PWWP2A: variants seen among roughly 807,000 people sequenced by gnomAD.
PWWP2A encodes PWWP domain-containing protein 2A.
PWWP2A carries 18 observed loss-of-function variants against 48.5 expected under a neutral mutation model. That is an observed-to-expected ratio of 0.37 (90% confidence interval 0.26 to 0.55). The LOEUF (loss-of-function observed/expected upper bound fraction) is 0.55. Ranked by LOEUF, PWWP2A falls within the 20% of genes least tolerant of loss-of-function variation. The pLI, the probability that PWWP2A is intolerant of heterozygous loss-of-function variation, is 0.81. For synonymous variants in PWWP2A, 396 were observed against 387.7 expected (o/e 1.02, Z -0.25); for missense variants, 867 against 976.4 (o/e 0.89, Z 1.49).
chr5:160,072,948 G>A (rs564751945), downstream of PWWP2A, among the ~76,000 whole-genome samples: 2 of 140,594 alleles, frequency 1.4e-5, no homozygotes, highest in East Asian at 4.4e-4. Context: ...AAGTTGCAGT[G>A]TGCCGAGATT....
intron 1 of PWWP2A, among the ~76,000 whole-genome samples, chr5:160,100,367 T>C (rs755255478): frequency 6.6e-6 from 1 of 152,094 alleles, no homozygotes; most frequent in Non-Finnish European, 1.5e-5. Context: ...CACATGCCTG[T>C]AGTCACAGCT....
downstream of PWWP2A, among the ~76,000 whole-genome samples, chr5:160,072,091 C>T (rs564651250): frequency 2.6e-5 from 4 of 152,250 alleles, no homozygotes; most frequent in East Asian, 1.9e-4. Context: ...AAAGTATGTG[C>T]GCATTCCACC....
Position 160,063,152 on chromosome 5 carries a change from A to C in PWWP2A, c.*368+390T>G, listed in dbSNP as rs544683148. Among the ~76,000 whole-genome samples, 10 of 152,258 alleles carry C rather than the reference A, an allele frequency of 6.6e-5. No individual in the cohort carries two copies. In the Middle Eastern group the frequency reaches 0.01, roughly 155 times the overall value. ...GGTTGGCCTTTCTCTGGACATAGTG[A>C]GCTTCCTTGGGCTAGTTCTTAAGCC... On this transcript the variant is annotated intron_variant and NMD_transcript_variant, in intron 5 of 5. Coordinates refer to the PWWP2A transcript ENST00000524050.
chr5:160,112,412 G>C (rs961606389), intron 1 of PWWP2A, among the ~76,000 whole-genome samples: 1 of 151,976 alleles, frequency 6.6e-6, no homozygotes, highest in Non-Finnish European at 1.5e-5. Flanking sequence ...AGTAGAGACA[G>C]GGTTTTGACA....
chr5:160,054,374 G>C, the PWWP2A span, among the ~76,000 whole-genome samples: 1 of 152,186 alleles, frequency 6.6e-6, no homozygotes, highest in Non-Finnish European at 1.5e-5. Context: ...AACATTTTGG[G>C]AGGCCAAGGT....
downstream of PWWP2A, among the ~76,000 whole-genome samples, chr5:160,071,589 C>A (rs1169208899): frequency 6.6e-6 from 1 of 152,162 alleles, no homozygotes; most frequent in Non-Finnish European, 1.5e-5. Context: ...GTCCAATAAT[C>A]CCCCAAGACC....
chr5:160,066,296 A>T (rs74207908), intron 4 of PWWP2A, among the ~76,000 whole-genome samples: 10,098 of 94,824 alleles, frequency 0.11, 706 homozygotes, highest in African/African-American at 0.2. Context: ...AGTGGTTCTC[A>T]TTTTTTTTTT....
chr5:160,097,232 G>C (rs540377059), intron 1 of PWWP2A, among the ~76,000 whole-genome samples: 127 of 151,574 alleles, frequency 8.4e-4, no homozygotes, highest in African/African-American at 2.8e-3. Context: ...AGCTACTTGG[G>C]AGGCTGAGGT....
chr5:160,114,738 A>C (rs1561707297), intron 1 of PWWP2A, among the ~76,000 whole-genome samples: 1 of 146,830 alleles, frequency 6.8e-6, no homozygotes. Flanking sequence ...ACTCCAGCCT[A>C]GGCAACAGAG....
intron 3 of PWWP2A, among the ~76,000 whole-genome samples, chr5:160,080,305 T>C (rs1754138764): frequency 6.6e-6 from 1 of 152,208 alleles, no homozygotes; most frequent in Non-Finnish European, 1.5e-5. Context: ...AGTGAAAAGA[T>C]AAAAGACATC....
intron 1 of PWWP2A, chr5:160,105,675 T>G (rs1424073036): frequency 3.1e-6 from 3 of 978,918 alleles, no homozygotes; most frequent in Non-Finnish European, 3.6e-6. Flanking sequence ...CAGCCCCAGG[T>G]GCTAATGAGA....
At chr5:160,081,066 A>G (rs975238477) in intron 2 of PWWP2A, among the ~76,000 whole-genome samples, 1 of 152,120 alleles carries the variant, frequency 6.6e-6, no homozygotes, top group African/African-American at 2.4e-5. Context: ...CAAGCAAACT[A>G]ACAAATGAAA....
chr5:160,105,731 C>T (rs972929977), intron 1 of PWWP2A: 14 of 639,272 alleles, frequency 2.2e-5, no homozygotes, highest in Non-Finnish European at 2.7e-5. Flanking sequence ...GCCAAGATCG[C>T]ACCACTGCAC....
intron 1 of PWWP2A, among the ~76,000 whole-genome samples, chr5:160,110,574 T>G (rs1187320611): frequency 5.9e-5 from 9 of 151,552 alleles, no homozygotes; most frequent in Non-Finnish European, 1.2e-4. Context: ...GGTGTGGTGG[T>G]GCATGCCTGT....
chr5:160,074,195 T>C (rs146856157), downstream of PWWP2A, among the ~76,000 whole-genome samples: 483 of 152,204 alleles, frequency 3.2e-3, 3 homozygotes, highest in African/African-American at 0.011. Flanking sequence ...TCTCAGCACT[T>C]TGGGAGGCTG....
chr5:160,100,261 C>G (rs1201696113), intron 1 of PWWP2A, among the ~76,000 whole-genome samples: 1 of 151,988 alleles, frequency 6.6e-6, no homozygotes, highest in Non-Finnish European at 1.5e-5. Context: ...AAATATCGCA[C>G]CACTGCACGC....
rs1755291266 is a variant in PWWP2A, at chr5:160,093,410, T to C, written c.1240A>G (p.Thr414Ala). 1.2e-6 allele frequency: 2 copies of C among 1,613,722 alleles called. No individual in the cohort carries two copies. The highest frequency in any genetic ancestry group is 1.7e-6 in the Non-Finnish European group (2 of 1,179,822). The change falls in exon 2 of 2, where the codon ACT becomes GCT. Residue 414 changes from threonine to alanine, a missense_variant. Transcript: ENST00000307063. This position sits in a 1 kb window ranked among gnomAD's most constrained non-coding sequence, Gnocchi z 5.8. ...TTCTTACTCTGGAGAACTTTTTTAG[T>C]ACTTAACTGAGCTTTTGATGTATTT... The part of the protein sequence containing the change: ...QANTSKAQLS[T>A]KKVLQSKNMD...
chr5:160,090,448 T>C (rs931516949), downstream of PWWP2A: 2 of 982,116 alleles, frequency 2.0e-6, no homozygotes, highest in Non-Finnish European at 2.4e-6. Flanking sequence ...TAGTTCCTTA[T>C]AACTTCTCAA....
intron 1 of PWWP2A, among the ~76,000 whole-genome samples, 175 bp downstream of exon 1, chr5:160,118,630 C>G (rs973062950): frequency 3.3e-5 from 5 of 152,134 alleles, no homozygotes; most frequent in African/African-American, 4.8e-5. Flanking sequence ...CGGGACCGCC[C>G]TCTCCCGGTC....
Sources: allele counts gnomAD v4.1 joint callset (sites outside exome capture counted in the v4.1 genomes callset), GRCh38; gene constraint gnomAD v4.1.1; non-coding constraint Gnocchi (gnomAD v3.1); transcripts MANE v1.5; gene names NCBI Gene and HGNC (gene_info 2026-07-23, HGNC 2026-07-21).